Variants in PBX1 observed in about 807,000 individuals in gnomAD.
PBX1 encodes pre-B-cell leukemia transcription factor 1.
Under a neutral mutation model 53.4 loss-of-function variants are expected in PBX1, and 6 were observed. That is an observed-to-expected ratio of 0.11 (90% confidence interval 0.06 to 0.22). PBX1 has a LOEUF of 0.22. Among genes scored for constraint, PBX1 ranks in the 10% least tolerant of loss-of-function variants. The pLI is 1.00. For synonymous variants in PBX1, 204 were observed against 212.3 expected (o/e 0.96, Z 0.34); for missense variants, 251 against 551.4 (o/e 0.46, Z 5.46).
intron 2 of PBX1, among the ~76,000 whole-genome samples, chr1:164,668,295 C>CT (rs1660919490): frequency 6.6e-6 from 1 of 152,180 alleles, no homozygotes. Context: ...GTATATTATG[C>CT]TTAATGTTTC....
chr1:164,846,858 A>G lies in PBX1; in HGVS notation c.*182A>G. On this transcript the variant is annotated 3_prime_UTR_variant, in exon 9 of 9. Transcript: ENST00000420696. ...TTTCAGCCAATCTGGACACTTCTTTATACTCTCTTCCCTTTTTTTTCTGGG... is the reference window on the plus strand; with the variant it reads ...TTTCAGCCAATCTGGACACTTCTTTGTACTCTCTTCCCTTTTTTTTCTGGG... 2.1e-6 allele frequency: 3 copies of G among 1,421,658 alleles called. No homozygotes were observed. Among genetic ancestry groups the G allele is most frequent in the Non-Finnish European group, 1.8e-6 (2 of 1,089,700 alleles). 88.1% of individuals were successfully genotyped at this position (1,421,658 alleles called of 1,614,324 possible).
At chr1:164,592,143 C>T (rs12739548) in intron 2 of PBX1, among the ~76,000 whole-genome samples, 19,266 of 151,864 alleles carry the variant, frequency 0.13, 1,770 homozygotes, top group East Asian at 0.4. Flanking sequence ...GGGAGGAGGG[C>T]CTTTGTTCAA....
At chr1:164,800,305 A>C (rs1364808766) in intron 4 of PBX1, among the ~76,000 whole-genome samples, 1 of 152,154 alleles carries the variant, frequency 6.6e-6, no homozygotes, top group East Asian at 1.9e-4. Context: ...CTGTAGATGG[A>C]CAGAGAGTGC....
At chr1:164,744,673 A>C (rs1665800527) in intron 2 of PBX1, among the ~76,000 whole-genome samples, 1 of 152,148 alleles carries the variant, frequency 6.6e-6, no homozygotes, top group East Asian at 1.9e-4. Flanking sequence ...CCACTTTCCC[A>C]TAGGCACTGT....
chr1:164,671,872 G>C (rs1430243962), intron 2 of PBX1, among the ~76,000 whole-genome samples: 1 of 152,126 alleles, frequency 6.6e-6, no homozygotes, highest in African/African-American at 2.4e-5. Context: ...GACAGAGCCT[G>C]CTTGCCCATA....
rs189013642 is a variant in PBX1 at position 164,885,140 on chromosome 1, C to T, written n.258-14048C>T. Among the ~76,000 whole-genome samples, 29 of 152,182 alleles carry T rather than the reference C, an allele frequency of 1.9e-4. No individual in the cohort carries two copies. The East Asian group carries it at 3.9e-3, about 20-fold the overall frequency. ...GGAGTTAGAGATATTTAATAACTTGCCCAAGATCACATAGCTACAAAAGTG... is the reference window on the plus strand; with the variant it reads ...GGAGTTAGAGATATTTAATAACTTGTCCAAGATCACATAGCTACAAAAGTG... On this transcript the variant is annotated intron_variant and non_coding_transcript_variant, in intron 2 of 2. Transcript: ENST00000558796.
intron 2 of PBX1, among the ~76,000 whole-genome samples, chr1:164,565,272 T>G (rs904031629): frequency 6.6e-6 from 1 of 152,146 alleles, no homozygotes; most frequent in Non-Finnish European, 1.5e-5. Context: ...TTTTGTATTT[T>G]AAATTTTGTG....
intron 2 of PBX1, among the ~76,000 whole-genome samples, chr1:164,753,600 G>C (rs188673051): frequency 6.6e-6 from 1 of 152,158 alleles, no homozygotes; most frequent in South Asian, 2.1e-4. Context: ...ACTTGACTTC[G>C]TGCAGGTCGG....
At chr1:164,690,685 T>A (rs1413128458) in intron 2 of PBX1, among the ~76,000 whole-genome samples, 1 of 152,138 alleles carries the variant, frequency 6.6e-6, no homozygotes, top group Non-Finnish European at 1.5e-5. Context: ...AATGCAGAGC[T>A]AATACTCTAC....
intron 6 of PBX1, chr1:164,817,865 A>G (rs897781950): frequency 3.9e-5 from 6 of 152,200 alleles, no homozygotes; most frequent in African/African-American, 1.2e-4. Context: ...TGTTTAGGCT[A>G]GATTTACCAC....
intron 2 of PBX1, among the ~76,000 whole-genome samples, chr1:164,620,699 T>C (rs1374691305): frequency 6.6e-6 from 1 of 152,114 alleles, no homozygotes; most frequent in Non-Finnish European, 1.5e-5. Context: ...CTTTTTTTTT[T>C]TGTGATGGAG....
chr1:164,676,407 C>G (rs1661435104), intron 2 of PBX1, among the ~76,000 whole-genome samples: 1 of 152,040 alleles, frequency 6.6e-6, no homozygotes, highest in Non-Finnish European at 1.5e-5. Flanking sequence ...AAAACCAAAT[C>G]CAGGAGGGCC....
chr1:164,666,042 G>T (rs1410206227), intron 2 of PBX1, among the ~76,000 whole-genome samples: 2 of 152,192 alleles, frequency 1.3e-5, no homozygotes, highest in African/African-American at 4.8e-5. Context: ...GGGATTCTCA[G>T]TGTTGGGCAA....
intron 2 of PBX1, among the ~76,000 whole-genome samples, chr1:164,658,573 T>TA (rs1660301756): frequency 6.6e-6 from 1 of 152,192 alleles, no homozygotes; most frequent in South Asian, 2.1e-4. Context: ...TGACACTATA[T>TA]AAGTGTATAC....
At position 164,633,951 on chromosome 1, in the gene PBX1, G is replaced by T. The variant is rs373117963; in HGVS notation, c.265+70640G>T. Among the ~76,000 whole-genome samples the T allele has an allele frequency of 5.3e-5, 8 of 152,282 alleles. No individual in the cohort carries two copies. The South Asian group carries it at 1.7e-3, about 32-fold the overall frequency. On this transcript the variant is annotated intron_variant, in intron 2 of 8. Transcript: ENST00000420696. The stretch of plus-strand genomic sequence containing the variant: ...GCAGTGGCCTTGAGCTACCCAAAAG[G>T]TTATGTAATTTAATCTTCCATTCAA...
At chr1:164,842,868 A>G (rs1270521342) in intron 8 of PBX1, among the ~76,000 whole-genome samples, 1 of 152,148 alleles carries the variant, frequency 6.6e-6, no homozygotes, top group Middle Eastern at 3.2e-3. Context: ...GCTGAGGTGC[A>G]GAAAAAAAAT....
chr1:164,715,059 C>T (rs1289642119), intron 2 of PBX1, among the ~76,000 whole-genome samples: 1 of 151,504 alleles, frequency 6.6e-6, no homozygotes, highest in East Asian at 1.9e-4. Flanking sequence ...CTGTGCCATC[C>T]ATCTCAGTAT....
intron 2 of PBX1, among the ~76,000 whole-genome samples, chr1:164,622,227 C>T (rs1391726319): frequency 6.6e-6 from 1 of 152,188 alleles, no homozygotes; most frequent in Non-Finnish European, 1.5e-5. Context: ...TGCCAGGCCT[C>T]TGTTCCCAGC....
chr1:164,591,677 A>T (rs1481176056), intron 2 of PBX1, among the ~76,000 whole-genome samples: 1 of 152,224 alleles, frequency 6.6e-6, no homozygotes, highest in Non-Finnish European at 1.5e-5. Context: ...ATTAAATAAT[A>T]CAGTGACATT....
Sources: allele counts gnomAD v4.1 joint callset (sites outside exome capture counted in the v4.1 genomes callset), GRCh38; gene constraint gnomAD v4.1.1; transcripts MANE v1.5; gene names NCBI Gene and HGNC (gene_info 2026-07-23, HGNC 2026-07-21).